The following SDK2 variants were observed in gnomAD, a reference collection of about 807,000 sequenced individuals.
The protein encoded by SDK2 is protein sidekick-2.
Under a neutral mutation model 253.9 loss-of-function variants are expected in SDK2, and 105 were observed. The ratio of observed to expected loss-of-function variants is 0.41; its 90% CI spans 0.35 to 0.49. The LOEUF is 0.49. SDK2 is among the 20% of genes least tolerant of loss of function. The probability of loss-of-function intolerance (pLI) is 0.06; values close to 1 mark genes in which losing one functional copy is unlikely to be tolerated. For synonymous variants in SDK2, 1,249 were observed against 1,234.9 expected (o/e 1.01, Z -0.24); for missense variants, 2,608 against 3,003.0 (o/e 0.87, Z 3.07).
chr17:73,440,746 A>G (rs910077825), intron 6 of SDK2, 66 bp downstream of exon 6: 1 of 1,192,150 alleles, frequency 8.4e-7, no homozygotes, highest in Non-Finnish European at 1.2e-6. Context: ...CTCTCCCTGG[A>G]GCCCGCAGTT....
At chr17:73,425,964 C>CATTTGTTACAGTAA (rs1410461307) in intron 12 of SDK2, among the ~76,000 whole-genome samples, 1 of 152,074 alleles carries the variant, frequency 6.6e-6, no homozygotes, top group African/African-American at 2.4e-5. Flanking sequence ...TAACAGTTAG[C>CATTTGTTACAGTAA]CTTTGTTACA....
At chr17:73,527,208 A>G (rs993302134) in intron 1 of SDK2, among the ~76,000 whole-genome samples, 3 of 152,150 alleles carry the variant, frequency 2.0e-5, no homozygotes, top group Non-Finnish European at 4.4e-5. Flanking sequence ...ATCCAATGGC[A>G]TTGGACTGTC....
chr17:73,608,306 C>T (rs962345027), intron 1 of SDK2, among the ~76,000 whole-genome samples: 5 of 152,046 alleles, frequency 3.3e-5, no homozygotes, highest in East Asian at 1.9e-4. Flanking sequence ...AGGACGATCA[C>T]GGAGGTAAAG....
At chr17:73,506,391 G>A (rs2063936124) in intron 2 of SDK2, among the ~76,000 whole-genome samples, 1 of 152,102 alleles carries the variant, frequency 6.6e-6, no homozygotes, top group Non-Finnish European at 1.5e-5. Flanking sequence ...GCCCTGTCCT[G>A]GGCTTTCTTT....
chr17:73,356,095 T>G (rs371115306), intron 40 of SDK2, among the ~76,000 whole-genome samples: 3 of 152,314 alleles, frequency 2.0e-5, no homozygotes, highest in East Asian at 1.9e-4. Context: ...GAAGCTTCAC[T>G]CATCTTCCCA....
chr17:73,411,646 G>A (rs533775294), intron 18 of SDK2, among the ~76,000 whole-genome samples: 1 of 152,270 alleles, frequency 6.6e-6, no homozygotes, highest in South Asian at 2.1e-4. Context: ...GGGAGGACAG[G>A]CACGGGGCCC....
At chr17:73,574,460 C>T (rs987120391) in intron 1 of SDK2, among the ~76,000 whole-genome samples, 1 of 147,484 alleles carries the variant, frequency 6.8e-6, no homozygotes, top group Non-Finnish European at 1.5e-5. Flanking sequence ...TGCACACATA[C>T]ACGCCTCGCT....
At position 73,431,704 on chromosome 17, in the gene SDK2, C is replaced by T. The variant is rs942928064; in HGVS notation, c.1313-35G>A. On this transcript the variant is annotated intron_variant, in intron 10 of 44. Coordinates refer to ENST00000392650, the MANE Select transcript of SDK2 (RefSeq NM_001144952.2). This position sits in a 1 kb window ranked among gnomAD's most constrained non-coding sequence, Gnocchi z 5.6. ...AAACAGGGTGGGGGTCAGCCTGTAG[C>T]CCCCAAGGGCACACCCTGCCCTTCC... The T allele has an allele frequency of 3.2e-6, 5 of 1,559,816 alleles. No individual in the cohort carries two copies. The highest frequency in any genetic ancestry group is 4.3e-6 in the Non-Finnish European group (5 of 1,152,618).
chr17:73,478,385 G>T (rs1235175772), intron 2 of SDK2, among the ~76,000 whole-genome samples: 2 of 152,186 alleles, frequency 1.3e-5, no homozygotes. Context: ...AAAAGCAGCA[G>T]GCGGTAGAGA....
chr17:73,463,688 G>C (rs1027372992), intron 3 of SDK2, among the ~76,000 whole-genome samples: 1 of 152,150 alleles, frequency 6.6e-6, no homozygotes, highest in Non-Finnish European at 1.5e-5. Flanking sequence ...CCTGTATATA[G>C]TCTTCCGTGA....
intron 1 of SDK2, among the ~76,000 whole-genome samples, chr17:73,592,120 G>T (rs976611613): frequency 6.6e-6 from 1 of 152,200 alleles, no homozygotes; most frequent in African/African-American, 2.4e-5. Context: ...TGAATGCAGG[G>T]AACTGCAGCC....
intron 1 of SDK2, among the ~76,000 whole-genome samples, chr17:73,592,300 C>T (rs565859076): frequency 3.3e-5 from 5 of 152,328 alleles, no homozygotes; most frequent in Admixed American, 1.3e-4. Context: ...AGGCTGGCTC[C>T]GTGTGGCTGC....
chr17:73,338,499 G>T lies in SDK2; in HGVS notation c.*88C>A. The T allele has an allele frequency of 2.5e-6, 2 of 814,808 alleles. No homozygotes were observed. The highest frequency in any genetic ancestry group is 2.6e-5 in the East Asian group (1 of 37,836). The allele number at this position is 814,808 out of a possible 1,614,324, so 50.5% of individuals were successfully genotyped here. A position where few individuals can be genotyped will look rare whatever the true frequency, so the allele number is the denominator to read the frequency against. On this transcript the variant is annotated 3_prime_UTR_variant, in exon 45 of 45. Transcript: ENST00000392650. This position sits in a 1 kb window ranked among gnomAD's most constrained non-coding sequence, Gnocchi z 5.0. ...AGGTGAAAAGTTGACTTGGTTTCTT[G>T]GTGTTTTTGTTTTCTGGCAGGCAGT...
Position 73,496,694 on chromosome 17 carries a change from C to CCCACTT in SDK2, c.224+10738_224+10743dup, listed in dbSNP as rs1322950366. On this transcript the variant is annotated intron_variant, in intron 2 of 44. Coordinates refer to ENST00000392650, the MANE Select transcript of SDK2 (RefSeq NM_001144952.2). The surrounding 1 kb of genome is among the most constrained non-coding windows in gnomAD (Gnocchi z 4.7). ...CTGCCATCTTGGGTCAGCCATGTCT[C>CCCACTT]CCACTTCCTAGGGCAACTGGCTCAA... Among the ~76,000 whole-genome samples the CCCACTT allele has an allele frequency of 1.3e-5, 2 of 152,090 alleles. No homozygotes were observed. The highest frequency in any genetic ancestry group is 4.8e-5 in the African/African-American group (2 of 41,398).
Position 73,430,629 on chromosome 17 carries a change from G to A in SDK2, c.1481-16C>T. The A allele has an allele frequency of 6.6e-7, 1 of 1,512,742 alleles. No individual in the cohort carries two copies. The highest frequency in any genetic ancestry group is 8.9e-7 in the Non-Finnish European group (1 of 1,124,534). 93.7% of individuals were successfully genotyped at this position (1,512,742 alleles called of 1,614,324 possible). On this transcript the variant is annotated splice_polypyrimidine_tract_variant and intron_variant, in intron 11 of 44. Coordinates refer to ENST00000392650, the MANE Select transcript of SDK2 (RefSeq NM_001144952.2). Reference sequence around the variant, plus strand: ...CGGGTCCGAGCTGAAAGATACAGCGGAGACAGCATGGTGAGAAGAGGTGTG... The same window carrying A: ...CGGGTCCGAGCTGAAAGATACAGCGAAGACAGCATGGTGAGAAGAGGTGTG...
intron 1 of SDK2, among the ~76,000 whole-genome samples, chr17:73,610,831 G>A (rs1238061519): frequency 6.6e-6 from 1 of 152,040 alleles, no homozygotes; most frequent in Non-Finnish European, 1.5e-5. Context: ...TATGTGTGGT[G>A]TGCGTGTGCG....
intron 7 of SDK2, 53 bp downstream of exon 7, chr17:73,437,911 G>A (rs562636456): frequency 6.2e-5 from 99 of 1,587,206 alleles, no homozygotes; most frequent in African/African-American, 2.7e-5. Context: ...GAGGACCCTC[G>A]CCGTGCTGCC....
At chr17:73,630,693 T>C (rs2046257630) in intron 1 of SDK2, among the ~76,000 whole-genome samples, 1 of 152,098 alleles carries the variant, frequency 6.6e-6, no homozygotes, top group Non-Finnish European at 1.5e-5. Flanking sequence ...AGTCCTAACA[T>C]TCCCGGGGAG....
At chr17:73,403,932 A>G (rs2063050025) in intron 18 of SDK2, among the ~76,000 whole-genome samples, 1 of 152,262 alleles carries the variant, frequency 6.6e-6, no homozygotes, top group Non-Finnish European at 1.5e-5. Context: ...GTACATTCAA[A>G]TTAATTATGC....
Sources: gnomAD v4.1 joint callset for allele counts (sites outside exome capture counted in the v4.1 genomes callset) on GRCh38, gnomAD v4.1.1 for gene constraint, Gnocchi (gnomAD v3.1) non-coding constraint, MANE v1.5 for transcripts, NCBI Gene and HGNC (gene_info 2026-07-23, HGNC 2026-07-21) for gene names.